AVEN: variants seen among roughly 807,000 people sequenced by gnomAD.
AVEN encodes cell death regulator Aven.
AVEN carries 41 observed loss-of-function variants against 38.1 expected under a neutral mutation model. The ratio of observed to expected loss-of-function variants is 1.08; its 90% CI spans 0.84 to 1.40. The LOEUF (loss-of-function observed/expected upper bound fraction) is 1.40. AVEN is among the 40% of genes most tolerant of loss of function. AVEN has a pLI of 0.00. For synonymous variants in AVEN, 206 were observed against 171.8 expected (o/e 1.20, Z -1.56); for missense variants, 605 against 438.8 (o/e 1.38, Z -3.38).
chr15:33,857,034 C>G (rs748356567), downstream of AVEN, among the ~76,000 whole-genome samples: 2 of 152,146 alleles, frequency 1.3e-5, no homozygotes, highest in African/African-American at 4.8e-5. Context: ...TCTGTATGAA[C>G]AATAACAAAA....
At chr15:33,861,657 C>T (rs989076823), downstream of AVEN, among the ~76,000 whole-genome samples, 1 of 152,138 alleles carries the variant, frequency 6.6e-6, no homozygotes, top group Non-Finnish European at 1.5e-5. Context: ...TTTCCTCCCA[C>T]TACATCATAA....
intron 5 of AVEN, among the ~76,000 whole-genome samples, chr15:34,044,808 T>C (rs968886616): frequency 1.3e-5 from 2 of 152,190 alleles, no homozygotes; most frequent in African/African-American, 4.8e-5. Context: ...CCCAGCACTT[T>C]GGGAGGCCGA....
chr15:33,887,234 GACCAAACT>G lies in AVEN; in HGVS notation c.446-11247_446-11240del, dbSNP rs777293768. 1.6e-4 allele frequency among the ~76,000 whole-genome samples: 25 copies of G among 152,118 alleles called. 1 individual carries two copies. The highest frequency in any genetic ancestry group is 5.2e-4 in the Admixed American group (8 of 15,276). ...AAATACTCTCTGTGACAAGTTATGG[GACCAAACT>G]ACTTGAGAAATAGCTAGTTAATAAG... On this transcript the variant is annotated intron_variant, in intron 2 of 5. Transcript: ENST00000306730.
intron 2 of AVEN, among the ~76,000 whole-genome samples, chr15:33,904,694 A>AAAAATAT (rs1464894437): frequency 4.4e-5 from 5 of 112,744 alleles, no homozygotes; most frequent in African/African-American, 1.5e-4. Flanking sequence ...AAAAAAAAAA[A>AAAAATAT]ATATATATAT....
chr15:33,861,978 A>G (rs1429404207), downstream of AVEN, among the ~76,000 whole-genome samples: 3 of 152,146 alleles, frequency 2.0e-5, no homozygotes, highest in Non-Finnish European at 4.4e-5. Context: ...TAGGCAACTA[A>G]TAAGTGTTTC....
chr15:33,973,317 G>T (rs1895720701), intron 2 of AVEN, among the ~76,000 whole-genome samples: 1 of 152,080 alleles, frequency 6.6e-6, no homozygotes, highest in South Asian at 2.1e-4. Flanking sequence ...GAATTTTTTG[G>T]TACAGTAACC....
chr15:33,868,011 G>C (rs1157758991), intron 4 of AVEN, among the ~76,000 whole-genome samples, 156 bp from the exon 5 acceptor site: 6 of 152,156 alleles, frequency 3.9e-5, no homozygotes, highest in Non-Finnish European at 7.3e-5. Flanking sequence ...GCCCTGGTGG[G>C]GGCACCCTTC....
chr15:34,052,058 A>G (rs1899941150), intron 5 of AVEN, among the ~76,000 whole-genome samples: 1 of 152,188 alleles, frequency 6.6e-6, no homozygotes, highest in East Asian at 1.9e-4. Flanking sequence ...AGAAAACTTC[A>G]GGCCAACATC....
intron 2 of AVEN, among the ~76,000 whole-genome samples, chr15:33,945,976 G>T (rs146300851): frequency 4.6e-5 from 7 of 152,040 alleles, no homozygotes; most frequent in African/African-American, 1.4e-4. Context: ...CAAATTCACC[G>T]TTTACTAACC....
At position 34,074,462 on chromosome 15, in the gene AVEN, T is replaced by G. The variant is rs142795734; in HGVS notation, n.694A>C. ...ATTTCATAGTTCTGGAGGCCAGAAG[T>G]CTGAAATCAAGGTGTCAGCAGGGCC... On this transcript the variant is annotated non_coding_transcript_exon_variant, in exon 1 of 12. Coordinates refer to the AVEN transcript ENST00000675287. 3.2e-3 allele frequency among the ~76,000 whole-genome samples: 482 copies of G among 152,318 alleles called. 2 individuals are homozygous for G. The highest frequency in any genetic ancestry group is 0.011 in the African/African-American group (450 of 41,558).
At chr15:33,931,976 G>C (rs1369639487) in intron 2 of AVEN, among the ~76,000 whole-genome samples, 1 of 152,172 alleles carries the variant, frequency 6.6e-6, no homozygotes, top group East Asian at 1.9e-4. Flanking sequence ...TCTAAGATGA[G>C]CTTGATCTCC....
In AVEN at chr15:33,867,552, G is replaced by GATCTGGTAAGATGTTATCTCCC. The variant is rs1890681017; in HGVS notation, c.894_915dup (p.Gln306GlyfsTer3). 6.2e-7 allele frequency: 1 copy of GATCTGGTAAGATGTTATCTCCC among 1,613,054 alleles called. No individual in the cohort carries two copies. The highest frequency in any genetic ancestry group is 1.3e-5 in the African/African-American group (1 of 75,016). Reference sequence around the variant, plus strand: ...TTGGATTTCAGGTCCTGAGACGTCTGATCTGGTAAGATGTTATCTCCCTCT... The same window carrying GATCTGGTAAGATGTTATCTCCC: ...TTGGATTTCAGGTCCTGAGACGTCTGATCTGGTAAGATGTTATCTCCCATCTGGTAAGATGTTATCTCCCTCT... On this transcript the variant is annotated stop_gained and frameshift_variant, in exon 5 of 6. Transcript: ENST00000306730. LOFTEE classifies it high-confidence loss of function.
chr15:34,010,879 C>T (rs925630087), intron 1 of AVEN, among the ~76,000 whole-genome samples: 2 of 152,012 alleles, frequency 1.3e-5, no homozygotes, highest in Non-Finnish European at 2.9e-5. Context: ...ATTTGTAAAC[C>T]TATTAAGGTC....
Position 34,063,576 on chromosome 15 carries a change from G to A in AVEN, n.1127-144C>T. 1.2e-6 allele frequency: 2 copies of A among 1,613,734 alleles called. No individual in the cohort carries two copies. Among genetic ancestry groups the A allele is most frequent in the Non-Finnish European group, 1.7e-6 (2 of 1,180,032 alleles). On this transcript the variant is annotated intron_variant and non_coding_transcript_variant, in intron 4 of 11. Coordinates refer to the AVEN transcript ENST00000675287. This position sits in a 1 kb window ranked among gnomAD's most constrained non-coding sequence, Gnocchi z 4.1. ...CTCCACCACTGGGAAGCCATCCCAA[G>A]CCACTGGCCCAAGCGCCAATTGGGC...
chr15:33,905,452 A>G (rs1443790434), intron 2 of AVEN, among the ~76,000 whole-genome samples: 1 of 152,238 alleles, frequency 6.6e-6, no homozygotes, highest in Admixed American at 6.5e-5. Flanking sequence ...ATAAACTTTG[A>G]AAGTCCAGCC....
chr15:34,015,527 G>A (rs970417958), intron 1 of AVEN, among the ~76,000 whole-genome samples: 6 of 152,128 alleles, frequency 3.9e-5, no homozygotes, highest in Admixed American at 2.6e-4. Context: ...ATCCAAAAAT[G>A]TTTTATTATA....
chr15:33,888,593 T>C (rs891677330), intron 2 of AVEN, among the ~76,000 whole-genome samples: 5 of 152,196 alleles, frequency 3.3e-5, no homozygotes, highest in Non-Finnish European at 7.3e-5. Flanking sequence ...GGATGAAACT[T>C]TACAACTGTA....
intron 1 of AVEN, among the ~76,000 whole-genome samples, chr15:34,029,787 T>A (rs1437085898): frequency 1.3e-5 from 2 of 152,194 alleles, no homozygotes; most frequent in Admixed American, 1.3e-4. Flanking sequence ...TAATAGGGAT[T>A]AAGACTTCTT....
At chr15:34,019,030 GAT>G (rs924315499) in intron 1 of AVEN, among the ~76,000 whole-genome samples, 7 of 151,842 alleles carry the variant, frequency 4.6e-5, no homozygotes, top group African/African-American at 1.7e-4. Flanking sequence ...ACAGAGCGCT[GAT>G]TGGTGCGTTT....
Sources: gnomAD v4.1 joint callset for allele counts (sites outside exome capture counted in the v4.1 genomes callset) on GRCh38, gnomAD v4.1.1 for gene constraint, Gnocchi (gnomAD v3.1) non-coding constraint, MANE v1.5 for transcripts, NCBI Gene and HGNC (gene_info 2026-07-23, HGNC 2026-07-21) for gene names.